The following AQR variants were observed in gnomAD, a reference collection of about 807,000 sequenced individuals.
AQR encodes RNA helicase aquarius.
AQR carries 61 observed loss-of-function variants against 180.5 expected under a neutral mutation model. The observed-to-expected ratio is 0.34, with a 90% CI of 0.28 to 0.42. The LOEUF is 0.42. Ranked by LOEUF, AQR falls within the 10% of genes least tolerant of loss-of-function variation. The pLI is 1.00. For missense variants in AQR, 1,281 were observed against 1,798.3 expected, an observed-to-expected ratio of 0.71 and a Z score of 5.20; for synonymous variants, 551 against 588.8, an observed-to-expected ratio of 0.94 and a Z score of 0.93.
intron 1 of AQR, among the ~76,000 whole-genome samples, chr15:34,965,592 A>C (rs1016439147): frequency 3.9e-5 from 6 of 152,042 alleles, no homozygotes; most frequent in Non-Finnish European, 7.4e-5. Context: ...AATTGCTTGA[A>C]CCTGGGAGGT....
At chr15:34,915,807 G>A (rs542114840) in intron 15 of AQR, among the ~76,000 whole-genome samples, 261 of 151,980 alleles carry the variant, frequency 1.7e-3, no homozygotes, top group African/African-American at 6.1e-3. Context: ...TTAGCTGGGT[G>A]TCATGGCGGG....
chr15:34,924,576 C>T (rs538749362), intron 13 of AQR, among the ~76,000 whole-genome samples: 181 of 152,006 alleles, frequency 1.2e-3, no homozygotes, highest in Admixed American at 1.8e-3. Context: ...GGATTACAGG[C>T]GTGCACCACC....
intron 17 of AQR, among the ~76,000 whole-genome samples, chr15:34,909,398 A>T (rs1893465577): frequency 6.6e-6 from 1 of 152,212 alleles, no homozygotes; most frequent in Non-Finnish European, 1.5e-5. Context: ...AATTTTGAAC[A>T]TATCTGCCTC....
intron 20 of AQR, among the ~76,000 whole-genome samples, chr15:34,899,810 C>T (rs531464308): frequency 7.9e-5 from 12 of 152,116 alleles, no homozygotes; most frequent in Non-Finnish European, 1.6e-4. Context: ...CAGGGAATAA[C>T]AACCAATTAT....
Position 34,927,015 on chromosome 15 carries a change from A to G in AQR, c.1118+20T>C, listed in dbSNP as rs1390117684. The G allele has an allele frequency of 2.1e-6, 3 of 1,408,622 alleles. No homozygotes were observed. The highest frequency in any genetic ancestry group is 2.4e-5 in the East Asian group (1 of 42,120). The allele number at this position is 1,408,622 out of a possible 1,614,324, so 87.3% of individuals were successfully genotyped here. On this transcript the variant is annotated intron_variant, in intron 13 of 34. Transcript: ENST00000156471. ...AGCATGATACAAAAAAAGAATATAT[A>G]GTTTTTCATGTTGTCTTACCTAAGA...
chr15:34,930,922 C>T (rs1424473098), intron 11 of AQR, among the ~76,000 whole-genome samples: 1 of 150,590 alleles, frequency 6.6e-6, no homozygotes, highest in Non-Finnish European at 1.5e-5. Context: ...CTGCAAGCTC[C>T]GCCTCCCAGG....
chr15:34,950,859 T>A (rs1352895211), intron 4 of AQR, among the ~76,000 whole-genome samples: 1 of 152,224 alleles, frequency 6.6e-6, no homozygotes, highest in Non-Finnish European at 1.5e-5. Flanking sequence ...TCTTTATAAC[T>A]GTTTCTGCCA....
Position 34,940,990 on chromosome 15 carries a change from C to T in AQR, c.550G>A (p.Glu184Lys). Residue 184 changes from glutamate to lysine, a missense_variant, in exon 8 of 35, where the codon GAA becomes AAA. By Grantham distance (56) the Glu-to-Lys change is moderately conservative (BLOSUM62 1). Transcript: ENST00000156471. The part of the protein sequence containing the change: ...MWMGLQLARL[E>K]LELKKTPKLR... ...TTAGGTGTCTTTTTTAATTCTAATTCCAATCGTGCCTGAAGAAGAGATGTG... is the reference window on the plus strand; with the variant it reads ...TTAGGTGTCTTTTTTAATTCTAATTTCAATCGTGCCTGAAGAAGAGATGTG... 6.2e-7 allele frequency: 1 copy of T among 1,601,258 alleles called. No homozygotes were observed.
chr15:34,892,428 G>C (rs939620176), intron 23 of AQR, among the ~76,000 whole-genome samples: 1 of 152,186 alleles, frequency 6.6e-6, no homozygotes, highest in African/African-American at 2.4e-5. Context: ...TTCTAGTTTA[G>C]TGTAGAAGGA....
chr15:34,873,740 A>G, intron 30 of AQR, 88 bp downstream of exon 30: 1 of 1,223,862 alleles, frequency 8.2e-7, no homozygotes. Flanking sequence ...TCCTTTTCTC[A>G]ACGGCCAAAT....
chr15:34,910,130 C>A lies in AQR; in HGVS notation c.1663+5G>T. On this transcript the variant is annotated splice_donor_5th_base_variant and intron_variant, in intron 17 of 34. Coordinates refer to ENST00000156471, the MANE Select transcript of AQR (RefSeq NM_014691.3). Reference sequence around the variant, plus strand: ...GTAATGTCACTTTTTGAAATACAAACTTACCTTCCCATTCATCTTTGATGT... The same window carrying A: ...GTAATGTCACTTTTTGAAATACAAAATTACCTTCCCATTCATCTTTGATGT... 1 of 1,613,772 alleles carries A rather than the reference C, an allele frequency of 6.2e-7. No individual in the cohort carries two copies. Among genetic ancestry groups the A allele is most frequent in the Non-Finnish European group, 8.5e-7 (1 of 1,179,704 alleles).
chr15:34,859,926 C>A, intron 34 of AQR, 116 bp downstream of exon 34: 1 of 439,050 alleles, frequency 2.3e-6, no homozygotes, highest in South Asian at 8.7e-5. Flanking sequence ...ATAATAATAG[C>A]CTGCTTTAGT....
At chr15:34,943,154 G>A in intron 6 of AQR, 8 of 1,611,154 alleles carry the variant, frequency 5.0e-6, no homozygotes, top group Non-Finnish European at 5.9e-6. Flanking sequence ...AAGTGACACA[G>A]TACAAGAAGG....
At chr15:34,894,617 C>CT (rs1893202338) in intron 22 of AQR, among the ~76,000 whole-genome samples, 1 of 151,856 alleles carries the variant, frequency 6.6e-6, no homozygotes, top group Non-Finnish European at 1.5e-5. Flanking sequence ...CTCTAGAGTT[C>CT]TTTAAAATAT....
At chr15:34,942,976 T>G (rs2086561071) in intron 6 of AQR, 1 of 1,301,128 alleles carries the variant, frequency 7.7e-7, no homozygotes, top group Admixed American at 2.0e-5. Flanking sequence ...CTTGTTTCTG[T>G]TTAGTTTCTG....
chr15:34,870,585 A>C (rs1892802836), intron 31 of AQR, among the ~76,000 whole-genome samples, 167 bp downstream of exon 31: 5 of 152,180 alleles, frequency 3.3e-5, no homozygotes. Context: ...TGAGATAGAA[A>C]GTCACATCAA....
intron 32 of AQR, among the ~76,000 whole-genome samples, chr15:34,865,987 T>C (rs1316102548): frequency 2.6e-5 from 4 of 152,128 alleles, no homozygotes; most frequent in African/African-American, 9.7e-5. Context: ...GATAACTGCA[T>C]AGCTGTTAAT....
intron 1 of AQR, 107 bp downstream of exon 1, chr15:34,969,432 C>G: frequency 1.0e-5 from 12 of 1,158,146 alleles, no homozygotes; most frequent in Middle Eastern, 1.9e-4. Flanking sequence ...AATTAACAAA[C>G]GAATGCCTCC....
chr15:34,955,991 C>T (rs781050411), intron 3 of AQR, among the ~76,000 whole-genome samples: 5 of 150,062 alleles, frequency 3.3e-5, no homozygotes, highest in Admixed American at 6.6e-5. Flanking sequence ...TGAAAAAGAA[C>T]CAAAATTATA....
Sources: allele counts gnomAD v4.1 joint callset (sites outside exome capture counted in the v4.1 genomes callset), GRCh38; gene constraint gnomAD v4.1.1; transcripts MANE v1.5; gene names NCBI Gene and HGNC (gene_info 2026-07-23, HGNC 2026-07-21).